The following POLK variants were observed in gnomAD, a reference collection of about 807,000 sequenced individuals.
POLK encodes the protein DNA polymerase kappa, also known as polymerase (DNA directed) kappa.
In POLK, 76 loss-of-function variants were observed where a neutral mutation model predicts 94.0. That is an observed-to-expected ratio of 0.81 (90% confidence interval 0.67 to 0.98). The LOEUF is 0.98. Ranked by LOEUF, POLK falls within the 50% of genes least tolerant of loss-of-function variation. The pLI is 0.00. For synonymous variants in POLK, 349 were observed against 325.4 expected (o/e 1.07, Z -0.78); for missense variants, 954 against 1,010.1 (o/e 0.94, Z 0.75).
downstream of POLK, among the ~76,000 whole-genome samples, chr5:75,603,664 C>G (rs1440428541): frequency 6.6e-6 from 1 of 152,174 alleles, no homozygotes; most frequent in Admixed American, 6.5e-5. Flanking sequence ...ATGATGCACT[C>G]TAAACACTGG....
At chr5:75,543,059 G>A (rs1313201953) in intron 1 of POLK, among the ~76,000 whole-genome samples, 1 of 120,282 alleles carries the variant, frequency 8.3e-6, no homozygotes, top group Non-Finnish European at 1.7e-5. Flanking sequence ...ATTTATTTTT[G>A]AGACGGAGTC....
chr5:75,522,015 A>G (rs541839320), intron 1 of POLK, among the ~76,000 whole-genome samples: 1 of 152,218 alleles, frequency 6.6e-6, no homozygotes, highest in African/African-American at 2.4e-5. Flanking sequence ...TCCTTTGACT[A>G]AGTTAAAGAG....
At chr5:75,550,939 G>C (rs937752541) in intron 2 of POLK, among the ~76,000 whole-genome samples, 3 of 151,962 alleles carry the variant, frequency 2.0e-5, no homozygotes, top group Admixed American at 6.6e-5. Flanking sequence ...ATAAATAAAA[G>C]GGCCAGGTAC....
rs147248632 is a variant in POLK, at chr5:75,581,091, A to G, written c.695-118A>G. 182 of 654,636 alleles carry G rather than the reference A, an allele frequency of 2.8e-4. 2 individuals carry two copies. In the African/African-American group the frequency reaches 3.1e-3, roughly 11 times the overall value. 40.6% of individuals were successfully genotyped at this position (654,636 alleles called of 1,614,324 possible). ...GATGGCATTTCTGATCTTGGATCCTAGAAACTAAACTAAACTAGATTTTTG... is the reference window on the plus strand; with the variant it reads ...GATGGCATTTCTGATCTTGGATCCTGGAAACTAAACTAAACTAGATTTTTG... On this transcript the variant is annotated intron_variant, in intron 6 of 14. Transcript: ENST00000241436.
intron 3 of POLK, among the ~76,000 whole-genome samples, chr5:75,565,177 T>C (rs781125846): frequency 5.3e-5 from 8 of 152,206 alleles, no homozygotes; most frequent in African/African-American, 1.2e-4. Context: ...AATTCAGCTA[T>C]TGATACTTGT....
intron 6 of POLK, 141 bp from the exon 7 acceptor site, chr5:75,581,068 T>C: frequency 1.7e-6 from 1 of 605,714 alleles, no homozygotes; most frequent in South Asian, 2.1e-5. Flanking sequence ...TGATAAATGA[T>C]GGCATTTCTG....
rs184348306 is a variant in POLK, at chr5:75,583,088, C to T, written c.935-205C>T. The T allele has an allele frequency of 7.9e-4, 297 of 377,868 alleles. 1 individual carries two copies. The highest frequency in any genetic ancestry group is 7.2e-3 in the Admixed American group (159 of 22,006). 23.4% of individuals were successfully genotyped at this position (377,868 alleles called of 1,614,324 possible). A position where few individuals can be genotyped will look rare whatever the true frequency, so the allele number is the denominator to read the frequency against. On this transcript the variant is annotated intron_variant, in intron 7 of 14. Coordinates refer to ENST00000241436, the Ensembl canonical transcript of POLK. ...TAAATATTTCTCATTTTTGCTGCCA[C>T]AATGACTGTAACTAGTACAATTTAT... is the stretch of plus-strand genomic sequence containing the variant.
chr5:75,562,755 C>G (rs550127182), intron 3 of POLK, among the ~76,000 whole-genome samples: 1 of 152,310 alleles, frequency 6.6e-6, no homozygotes, highest in South Asian at 2.1e-4. Flanking sequence ...TTTTCTGCAT[C>G]CATTGAGATA....
At chr5:75,511,279 G>A, upstream of POLK, 1 of 1,581,906 alleles carries the variant, frequency 6.3e-7, no homozygotes, top group Non-Finnish European at 8.6e-7. Flanking sequence ...CCCAGTCCTC[G>A]GGGTGAAGGG....
At chr5:75,593,829 A>T in intron 11 of POLK, 49 bp from the exon 12 acceptor site, 1 of 1,161,782 alleles carries the variant, frequency 8.6e-7, no homozygotes, top group South Asian at 1.6e-5. Context: ...GACAACAGAG[A>T]GAGACCCTGT....
At chr5:75,533,089 T>C (rs2112578981) in intron 1 of POLK, among the ~76,000 whole-genome samples, 1 of 152,306 alleles carries the variant, frequency 6.6e-6, no homozygotes, top group Middle Eastern at 3.4e-3. Context: ...TTTAGTTTAA[T>C]TAGGTCCCAC....
chr5:75,595,569 G>C (rs1773033962), intron 12 of POLK, among the ~76,000 whole-genome samples: 2 of 152,138 alleles, frequency 1.3e-5, no homozygotes. Context: ...TTGATTGTCA[G>C]GAGTTAAGAG....
In POLK at chr5:75,584,745, T is replaced by A; in HGVS notation, c.1060-15T>A. 7.2e-7 allele frequency: 1 copy of A among 1,385,464 alleles called. No homozygotes were observed. The highest frequency in any genetic ancestry group is 1.3e-5 in the South Asian group (1 of 76,058). 85.8% of individuals were successfully genotyped at this position (1,385,464 alleles called of 1,614,324 possible). A position where few individuals can be genotyped will look rare whatever the true frequency, so the allele number is the denominator to read the frequency against. ...CTTTAAAATCTATTAATAATAAATA[T>A]TGATTCTTTTCTAGGTTTCTGGAAT... is the stretch of plus-strand genomic sequence containing the variant. On this transcript the variant is annotated splice_polypyrimidine_tract_variant and intron_variant, in intron 8 of 14. Coordinates refer to ENST00000241436, the Ensembl canonical transcript of POLK.
At chr5:75,584,021 A>G (rs1221873225) in intron 8 of POLK, among the ~76,000 whole-genome samples, 2 of 152,182 alleles carry the variant, frequency 1.3e-5, no homozygotes, top group African/African-American at 4.8e-5. Context: ...AATATTTTTC[A>G]ATGCTCAGTA....
chr5:75,528,714 G>C (rs952028210), intron 1 of POLK, among the ~76,000 whole-genome samples: 2 of 152,128 alleles, frequency 1.3e-5, no homozygotes, highest in Non-Finnish European at 2.9e-5. Flanking sequence ...TGGAGGCTGA[G>C]TCAGAAGGAT....
upstream of POLK, chr5:75,511,453 C>CCGT: frequency 6.5e-7 from 1 of 1,531,280 alleles, no homozygotes; most frequent in South Asian, 1.2e-5. Context: ...GCCGCCGCCG[C>CCGT]CGTCGCCGTG....
chr5:75,512,483 C>T (rs1055139851), intron 1 of POLK: 1 of 152,196 alleles, frequency 6.6e-6, no homozygotes, highest in African/African-American at 2.4e-5. Context: ...ACCATGCCTG[C>T]CCCTCAAAGA....
intron 5 of POLK, among the ~76,000 whole-genome samples, chr5:75,575,320 C>G (rs1257757177): frequency 6.6e-6 from 1 of 152,142 alleles, no homozygotes; most frequent in African/African-American, 2.4e-5. Context: ...GCTAGATTGA[C>G]AGGCATGCAT....
At chr5:75,512,945 A>G (rs2112505516) in intron 1 of POLK, 1 of 152,382 alleles carries the variant, frequency 6.6e-6, no homozygotes, top group South Asian at 2.1e-4. Flanking sequence ...CTGGGCAACA[A>G]GGTAAAACCC....
Sources: allele counts gnomAD v4.1 joint callset (sites outside exome capture counted in the v4.1 genomes callset), GRCh38; gene constraint gnomAD v4.1.1; transcripts MANE v1.5; gene names NCBI Gene and HGNC (gene_info 2026-07-23, HGNC 2026-07-21).